TRHDE: variants seen among roughly 807,000 people sequenced by gnomAD.
TRHDE encodes the protein thyrotropin-releasing hormone-degrading ectoenzyme.
In TRHDE, 72 loss-of-function variants were observed where a neutral mutation model predicts 125.7. The ratio of observed to expected loss-of-function variants is 0.57; its 90% CI spans 0.47 to 0.70. The LOEUF (loss-of-function observed/expected upper bound fraction) is 0.70, where lower values mean the gene tolerates loss of function less well. Ranked by LOEUF, TRHDE falls within the 30% of genes least tolerant of loss-of-function variation. The probability of loss-of-function intolerance (pLI) is 0.00; values close to 1 mark genes in which losing one functional copy is unlikely to be tolerated. For synonymous variants in TRHDE, 509 were observed against 509.1 expected (o/e 1.00, Z 0.00); for missense variants, 1,110 against 1,327.1 (o/e 0.84, Z 2.54).
chr12:72,476,824 G>A (rs1036724475), intron 5 of TRHDE, among the ~76,000 whole-genome samples: 1 of 152,022 alleles, frequency 6.6e-6, no homozygotes, highest in Non-Finnish European at 1.5e-5. Flanking sequence ...AGTATACTTC[G>A]CTTAACTGTT....
At chr12:72,167,782 G>A (rs1446492345) in intron 2 of TRHDE, 1 of 152,148 alleles carries the variant, frequency 6.6e-6, no homozygotes, top group Non-Finnish European at 1.5e-5. Flanking sequence ...GGGAGACATG[G>A]GAATCACATC....
Position 72,273,613 on chromosome 12 carries a change from CTG to C in TRHDE, c.914+57_914+58del. On this transcript the variant is annotated intron_variant, in intron 1 of 18. Coordinates refer to ENST00000261180, the MANE Select transcript of TRHDE (RefSeq NM_013381.3). The surrounding 1 kb of genome is among the most constrained non-coding windows in gnomAD (Gnocchi z 5.3). The stretch of plus-strand genomic sequence containing the variant: ...CCACCCCGGCGCGCGGCTCGAACCT[CTG>C]GGCGGCCTGCGACCCCGGGGACCCA... The C allele has an allele frequency of 2.7e-6, 4 of 1,497,346 alleles. No individual in the cohort carries two copies. Among genetic ancestry groups the C allele is most frequent in the Non-Finnish European group, 3.6e-6 (4 of 1,118,492 alleles). 92.8% of individuals were successfully genotyped at this position (1,497,346 alleles called of 1,614,324 possible). A position where few individuals can be genotyped will look rare whatever the true frequency, so the allele number is the denominator to read the frequency against.
At chr12:72,221,290 C>A (rs1877993827) in intron 2 of TRHDE, among the ~76,000 whole-genome samples, 1 of 151,930 alleles carries the variant, frequency 6.6e-6, no homozygotes, top group African/African-American at 2.4e-5. Flanking sequence ...ATGAAGAAAT[C>A]CTCAGGAGCA....
At chr12:72,330,361 A>C (rs554045475) in intron 2 of TRHDE, among the ~76,000 whole-genome samples, 2 of 152,172 alleles carry the variant, frequency 1.3e-5, no homozygotes, top group Non-Finnish European at 2.9e-5. Context: ...CATAGCTCAA[A>C]AAAGCCAAAG....
chr12:72,367,874 A>T (rs1871403157), intron 2 of TRHDE, among the ~76,000 whole-genome samples: 1 of 152,188 alleles, frequency 6.6e-6, no homozygotes, highest in Non-Finnish European at 1.5e-5. Context: ...AAAGTTTCTG[A>T]TGTACTCTTG....
At chr12:72,636,526 A>G in intron 15 of TRHDE, among the ~76,000 whole-genome samples, 1 of 150,346 alleles carries the variant, frequency 6.7e-6, no homozygotes, top group Non-Finnish European at 1.5e-5. Context: ...CCTGGCCAGA[A>G]CTTCCAACAC....
chr12:72,412,865 G>A (rs1435291083), intron 3 of TRHDE, among the ~76,000 whole-genome samples: 10 of 151,936 alleles, frequency 6.6e-5, no homozygotes. Context: ...TTTGGGGGAT[G>A]CATAACTAGG....
At chr12:72,539,789 A>C (rs1235965422) in intron 6 of TRHDE, among the ~76,000 whole-genome samples, 1 of 151,894 alleles carries the variant, frequency 6.6e-6, no homozygotes, top group Non-Finnish European at 1.5e-5. Context: ...ATGTTAGTTT[A>C]GCAAACAGTG....
chr12:72,179,473 A>ATGCATACCTTTACTTTTCCAAGT (rs1365341345), intron 2 of TRHDE, among the ~76,000 whole-genome samples: 7 of 151,824 alleles, frequency 4.6e-5, no homozygotes, highest in African/African-American at 1.7e-4. Context: ...CACTACCCTA[A>ATGCATACCTTTACTTTTCCAAGT]TGCATACCTT....
At position 72,566,335 on chromosome 12, in the gene TRHDE, T is replaced by TA. The variant is rs1031906181; in HGVS notation, c.2043-2227dup. Among the ~76,000 whole-genome samples, 9 of 150,988 alleles carry TA rather than the reference T, an allele frequency of 6.0e-5. 1 individual carries two copies. Among genetic ancestry groups the TA allele is most frequent in the Non-Finnish European group, 1.3e-4 (9 of 67,800 alleles). ...AATAATAAATTTTTTTTTTAAGTTT[T>TA]AAAAAATGCCTCAAAGTTTGTATCC... On this transcript the variant is annotated intron_variant, in intron 9 of 18. Coordinates refer to ENST00000261180, the MANE Select transcript of TRHDE (RefSeq NM_013381.3).
At chr12:72,113,094 T>C (rs1026230174) in intron 2 of TRHDE, among the ~76,000 whole-genome samples, 1 of 152,110 alleles carries the variant, frequency 6.6e-6, no homozygotes, top group Admixed American at 6.5e-5. Context: ...CATGGTTCAC[T>C]GCAGCCTTGA....
At chr12:72,186,495 G>A (rs1356014846) in intron 2 of TRHDE, 1 of 165,458 alleles carries the variant, frequency 6.0e-6, no homozygotes, top group Non-Finnish European at 1.3e-5. Context: ...AACATCAGAA[G>A]GGGCAGACTC....
intron 2 of TRHDE, among the ~76,000 whole-genome samples, chr12:72,328,881 T>C (rs964441398): frequency 6.6e-6 from 1 of 152,184 alleles, no homozygotes. Flanking sequence ...TAATAACTAG[T>C]TTAATAGCTC....
chr12:72,250,307 G>C lies in TRHDE; in HGVS notation n.280-127688G>C, dbSNP rs374237334. On this transcript the variant is annotated intron_variant and non_coding_transcript_variant, in intron 2 of 4. Transcript: ENST00000548156. ...CATAGTATAGGTAATAATTGTTATAGAAGTTTGGAGATGAGAGAGGTCATT... is the reference window on the plus strand; with the variant it reads ...CATAGTATAGGTAATAATTGTTATACAAGTTTGGAGATGAGAGAGGTCATT... 3.3e-5 allele frequency among the ~76,000 whole-genome samples: 5 copies of C among 152,258 alleles called. No individual in the cohort carries two copies. In the South Asian group the frequency reaches 6.2e-4, roughly 19 times the overall value.
intron 3 of TRHDE, among the ~76,000 whole-genome samples, chr12:72,448,418 A>G (rs1172117792): frequency 6.6e-6 from 1 of 152,066 alleles, no homozygotes; most frequent in Admixed American, 6.6e-5. Context: ...ACTTCAACTG[A>G]AAAACATACT....
chr12:72,311,978 A>T (rs4760760), intron 2 of TRHDE, among the ~76,000 whole-genome samples: 67,392 of 152,028 alleles, frequency 0.44, 17,189 homozygotes, highest in African/African-American at 0.72. Flanking sequence ...GATTGTAGCA[A>T]AGATGTAGAG....
intron 3 of TRHDE, among the ~76,000 whole-genome samples, chr12:72,466,138 C>A (rs1876361835): frequency 6.6e-6 from 1 of 152,184 alleles, no homozygotes; most frequent in Admixed American, 6.5e-5. Flanking sequence ...ATCTTTATCA[C>A]CGGCCTCCAA....
chr12:72,490,637 A>G (rs1046037694), intron 5 of TRHDE, among the ~76,000 whole-genome samples: 1 of 151,730 alleles, frequency 6.6e-6, no homozygotes, highest in African/African-American at 2.4e-5. Flanking sequence ...ATTTTGTTCA[A>G]AAGAATAAAA....
rs143793336 is a variant in TRHDE at position 72,383,949 on chromosome 12, C to T, written c.1315+5828C>T. Among the ~76,000 whole-genome samples the T allele has an allele frequency of 6.2e-3, 937 of 152,124 alleles. 6 individuals are homozygous for T. The highest frequency in any genetic ancestry group is 0.022 in the African/African-American group (900 of 41,506). ...TTTGATTGTCAGAGGAATGATATAACAGCTATTTTTGTTAATTTTTTACTG... is the reference window on the plus strand; with the variant it reads ...TTTGATTGTCAGAGGAATGATATAATAGCTATTTTTGTTAATTTTTTACTG... On this transcript the variant is annotated intron_variant, in intron 3 of 18. Coordinates refer to ENST00000261180, the MANE Select transcript of TRHDE (RefSeq NM_013381.3).
Sources: gnomAD v4.1 joint callset for allele counts (sites outside exome capture counted in the v4.1 genomes callset) on GRCh38, gnomAD v4.1.1 for gene constraint, Gnocchi (gnomAD v3.1) non-coding constraint, MANE v1.5 for transcripts, NCBI Gene and HGNC (gene_info 2026-07-23, HGNC 2026-07-21) for gene names.